Variants in DSN1 observed in about 807,000 individuals in gnomAD.
DSN1 encodes kinetochore-associated protein DSN1 homolog.
DSN1 carries 31 observed loss-of-function variants against 45.7 expected under a neutral mutation model. The ratio of observed to expected loss-of-function variants is 0.68; its 90% CI spans 0.51 to 0.92. DSN1 has a LOEUF of 0.92. Among genes scored for constraint, DSN1 ranks in the 40% least tolerant of loss-of-function variants. DSN1 has a pLI of 0.00. For missense variants in DSN1, 394 were observed against 414.2 expected, an observed-to-expected ratio of 0.95 and a Z score of 0.42; for synonymous variants, 134 against 142.3, an observed-to-expected ratio of 0.94 and a Z score of 0.41.
At chr20:36,762,844 T>C (rs1049705467) in intron 5 of DSN1, among the ~76,000 whole-genome samples, 12 of 152,226 alleles carry the variant, frequency 7.9e-5, no homozygotes, top group Admixed American at 7.9e-4. Flanking sequence ...CTCCACCTCC[T>C]GGGCTCAAGC....
At chr20:36,769,401 TTATTA>T (rs1331750448) in intron 3 of DSN1, among the ~76,000 whole-genome samples, 2 of 152,234 alleles carry the variant, frequency 1.3e-5, no homozygotes, top group Non-Finnish European at 2.9e-5. Context: ...AGAACCAATC[TTATTA>T]CACTGATGCT....
intron 5 of DSN1, among the ~76,000 whole-genome samples, chr20:36,764,220 CA>C (rs151127917): frequency 0.014 from 1,709 of 126,116 alleles, 8 homozygotes; most frequent in Non-Finnish European, 0.019. Flanking sequence ...GATCCTGTCT[CA>C]AAAAAAAAAA....
At chr20:36,773,347 G>T (rs1163909975) in intron 1 of DSN1, 2 of 981,478 alleles carry the variant, frequency 2.0e-6, no homozygotes, top group Non-Finnish European at 2.4e-6. Flanking sequence ...CAGCCAGCCT[G>T]GGGGCACAGG....
At chr20:36,758,816 T>C (rs1376241757) in intron 6 of DSN1, among the ~76,000 whole-genome samples, 199 bp from the exon 7 acceptor site, 2 of 151,872 alleles carry the variant, frequency 1.3e-5, no homozygotes, top group Non-Finnish European at 2.9e-5. Flanking sequence ...GCCTCCAGAG[T>C]AGCTGGAATT....
chr20:36,760,074 T>A (rs1424562779), intron 6 of DSN1, among the ~76,000 whole-genome samples: 1 of 151,226 alleles, frequency 6.6e-6, no homozygotes, highest in South Asian at 2.1e-4. Flanking sequence ...TGAAACCCCG[T>A]CTCTACTAAA....
intron 8 of DSN1, among the ~76,000 whole-genome samples, chr20:36,756,620 C>T (rs1196406478): frequency 2.6e-5 from 4 of 152,136 alleles, no homozygotes; most frequent in African/African-American, 9.7e-5. Flanking sequence ...TACATTTAAC[C>T]TAATTTGACA....
rs767399951 is a variant in DSN1, at chr20:36,771,171, C to G, written c.57G>C (p.Lys19Asn). The change falls in exon 3 of 11, where the codon AAG (lysine) becomes AAC (asparagine). Residue 19 changes from lysine (K) to asparagine (N), a missense_variant. Lys to Asn is a moderately conservative substitution (Grantham distance 94). Transcript: ENST00000373750. ...IIDEKGPVMS[K>N]THDHQLESSL... ...TTGATTCCAATTGATGATCATGAGT[C>G]TTAGACATCACTGGTCCTTTTTCTA... is the stretch of plus-strand genomic sequence containing the variant. 6.2e-7 allele frequency: 1 copy of G among 1,607,434 alleles called. No homozygotes were observed. The highest frequency in any genetic ancestry group is 1.1e-5 in the South Asian group (1 of 90,242).
In DSN1 at chr20:36,761,933, C is replaced by T. The variant is rs1029644233; in HGVS notation, c.590+528G>A. Among the ~76,000 whole-genome samples, 6 of 151,652 alleles carry T rather than the reference C, an allele frequency of 4.0e-5. No homozygotes were observed. The South Asian group carries it at 6.3e-4, about 16-fold the overall frequency. ...CTGAGGCAGGAGACTGGTTTGAACC[C>T]GGGAGATGGAGGTTGCAGTAAGCCA... On this transcript the variant is annotated intron_variant, in intron 6 of 10. Transcript: ENST00000373750.
chr20:36,762,192 C>T (rs945803627), intron 6 of DSN1, among the ~76,000 whole-genome samples: 2 of 148,900 alleles, frequency 1.3e-5, no homozygotes, highest in African/African-American at 2.5e-5. Context: ...TTGCAAGCTC[C>T]GCATACCGGG....
intron 7 of DSN1, 131 bp from the exon 8 acceptor site, chr20:36,758,292 A>G: frequency 1.1e-6 from 1 of 883,852 alleles, no homozygotes; most frequent in East Asian, 2.6e-5. Flanking sequence ...ACAGGGTTAG[A>G]AAGCCTGACC....
Position 36,752,669 on chromosome 20 carries a change from A to C in DSN1, c.*119T>G. On this transcript the variant is annotated 3_prime_UTR_variant, in exon 11 of 11. Transcript: ENST00000373750. Reference sequence around the variant, plus strand: ...TTTGAAAAAAGTCAAAGTGTTCTACAGTCAGTCCTGCCAGTTATCTTCAAA... The same window carrying C: ...TTTGAAAAAAGTCAAAGTGTTCTACCGTCAGTCCTGCCAGTTATCTTCAAA... The C allele has an allele frequency of 1.3e-6, 1 of 761,482 alleles. No individual in the cohort carries two copies. Among genetic ancestry groups the C allele is most frequent in the Non-Finnish European group, 2.3e-6 (1 of 443,124 alleles). 47.2% of individuals were successfully genotyped at this position (761,482 alleles called of 1,614,324 possible).
At chr20:36,771,613 T>C (rs779935954) in intron 1 of DSN1, 140 bp from the exon 2 acceptor site, 2 of 671,926 alleles carry the variant, frequency 3.0e-6, no homozygotes, top group Non-Finnish European at 5.1e-6. Context: ...ACAGAGAATA[T>C]CAGCAGGGGC....
At chr20:36,758,678 G>C in intron 6 of DSN1, 61 bp from the exon 7 acceptor site, 1 of 1,448,188 alleles carries the variant, frequency 6.9e-7, no homozygotes, top group Non-Finnish European at 9.5e-7. Context: ...TAATATAATC[G>C]CTTATAAATT....
At chr20:36,760,673 A>C (rs1322037601) in intron 6 of DSN1, among the ~76,000 whole-genome samples, 2 of 152,124 alleles carry the variant, frequency 1.3e-5, no homozygotes, top group African/African-American at 2.4e-5. Flanking sequence ...GGATCACCTG[A>C]GGTTAGGAGT....
rs1986431255 is a variant in DSN1, at chr20:36,752,542, G to A, written c.*246C>T. 1 of 402,710 alleles carries A rather than the reference G, an allele frequency of 2.5e-6. No homozygotes were observed. Among genetic ancestry groups the A allele is most frequent in the African/African-American group, 2.1e-5 (1 of 48,530 alleles). The allele number at this position is 402,710 out of a possible 1,614,324, so 24.9% of individuals were successfully genotyped here. Reference sequence around the variant, plus strand: ...GATAAAAGAATGGGCCACTGGATCTGAAGATCATTTCAAAAAAGAAGTTTG... The same window carrying A: ...GATAAAAGAATGGGCCACTGGATCTAAAGATCATTTCAAAAAAGAAGTTTG... On this transcript the variant is annotated 3_prime_UTR_variant, in exon 11 of 11. Coordinates refer to ENST00000373750, the MANE Select transcript of DSN1 (RefSeq NM_001145315.2).
chr20:36,771,935 C>G (rs886090371), intron 1 of DSN1, among the ~76,000 whole-genome samples: 3 of 152,200 alleles, frequency 2.0e-5, no homozygotes, highest in Admixed American at 1.3e-4. Flanking sequence ...GGCTGGAGTA[C>G]AGTAGCACAA....
chr20:36,758,007 T>A, intron 8 of DSN1, 80 bp downstream of exon 8: 5 of 1,326,714 alleles, frequency 3.8e-6, no homozygotes, highest in African/African-American at 2.9e-5. Context: ...CATCTTTCAA[T>A]TTGTGCTAAC....
chr20:36,759,959 C>T (rs901654120), intron 6 of DSN1, among the ~76,000 whole-genome samples: 2 of 151,964 alleles, frequency 1.3e-5, no homozygotes, highest in Admixed American at 6.6e-5. Context: ...CTCTGTGACT[C>T]TCAGCCAGGC....
intron 6 of DSN1, 149 bp downstream of exon 6, chr20:36,762,312 G>A (rs1297936293): frequency 2.7e-5 from 14 of 522,494 alleles, no homozygotes; most frequent in East Asian, 7.2e-5. Flanking sequence ...GGGTTTCACC[G>A]TGTTAGCCAG....
Sources: gnomAD v4.1 joint callset for allele counts (sites outside exome capture counted in the v4.1 genomes callset) on GRCh38, gnomAD v4.1.1 for gene constraint, MANE v1.5 for transcripts, NCBI Gene and HGNC (gene_info 2026-07-23, HGNC 2026-07-21) for gene names.